IGLON5: variants seen among roughly 807,000 people sequenced by gnomAD.
IGLON5 encodes the protein Ig-like domain-containing protein ENSP00000270642.
Under a neutral mutation model 38.2 loss-of-function variants are expected in IGLON5, and 16 were observed. The observed-to-expected ratio is 0.42, with a 90% CI of 0.28 to 0.64. The LOEUF is 0.64. IGLON5 is among the 30% of genes least tolerant of loss of function. The pLI is 0.23. For missense variants in IGLON5, 366 were observed against 483.4 expected (o/e 0.76, Z 2.28); for synonymous variants, 207 against 216.4 (o/e 0.96, Z 0.38).
At chr19:51,313,045 A>G (rs1984807549) in intron 1 of IGLON5, among the ~76,000 whole-genome samples, 1 of 151,872 alleles carries the variant, frequency 6.6e-6, no homozygotes, top group East Asian at 1.9e-4. Context: ...AGAGTCCCCA[A>G]GAGTCTCAGA....
chr19:51,326,963 C>T, intron 5 of IGLON5, 65 bp downstream of exon 5: 2 of 1,573,640 alleles, frequency 1.3e-6, no homozygotes, highest in Middle Eastern at 3.4e-4. Flanking sequence ...GAGGAGGGAT[C>T]TGGGGGAAGA....
intron 1 of IGLON5, among the ~76,000 whole-genome samples, chr19:51,313,636 TC>T: frequency 8.2e-6 from 1 of 122,436 alleles, no homozygotes; most frequent in East Asian, 2.0e-4. Flanking sequence ...TCTTTTTCTC[TC>T]TCTCTCTCTT....
intron 1 of IGLON5, among the ~76,000 whole-genome samples, chr19:51,312,428 G>T (rs1984790678): frequency 6.6e-6 from 1 of 152,122 alleles, no homozygotes; most frequent in Non-Finnish European, 1.5e-5. Flanking sequence ...GGGGATGGAT[G>T]CCTTCCCAGG....
chr19:51,328,505 G>GAAAAAAA (rs61422289), intron 7 of IGLON5, among the ~76,000 whole-genome samples, 166 bp from the exon 8 acceptor site: 1 of 111,148 alleles, frequency 9.0e-6, no homozygotes, highest in Non-Finnish European at 2.0e-5. Flanking sequence ...CTCAAAAAAA[G>GAAAAAAA]AAAAAAAAAA....
At position 51,324,142 on chromosome 19, in the gene IGLON5, T is replaced by G. The variant is rs1985157094; in HGVS notation, c.391+248T>G. Among the ~76,000 whole-genome samples, 1 of 152,002 alleles carries G rather than the reference T, an allele frequency of 6.6e-6. No homozygotes were observed. The highest frequency in any genetic ancestry group is 2.4e-5 in the African/African-American group (1 of 41,358). ...GGGGGTGCTTGGGGGAAGACCACGTTCATTTGTTCAGCCCCATTCCTGGAG... is the reference window on the plus strand; with the variant it reads ...GGGGGTGCTTGGGGGAAGACCACGTGCATTTGTTCAGCCCCATTCCTGGAG... On this transcript the variant is annotated intron_variant, in intron 3 of 7. Transcript: ENST00000270642. The surrounding 1 kb of genome is among the most constrained non-coding windows in gnomAD (Gnocchi z 4.2).
intron 1 of IGLON5, among the ~76,000 whole-genome samples, chr19:51,319,003 G>T (rs1020029617): frequency 2.0e-4 from 31 of 152,206 alleles, no homozygotes; most frequent in Non-Finnish European, 3.5e-4. Flanking sequence ...GTGGAGAAGG[G>T]CATCAAATGG....
intron 2 of IGLON5, 61 bp from the exon 3 acceptor site, chr19:51,323,601 G>T: frequency 7.0e-7 from 1 of 1,434,976 alleles, no homozygotes; most frequent in Non-Finnish European, 9.5e-7. Flanking sequence ...CCACCCCCTC[G>T]GTGGGGGAAG....
At chr19:51,311,977 G>A (rs1984776521) in intron 1 of IGLON5, 51 bp downstream of exon 1, 1 of 1,072,084 alleles carries the variant, frequency 9.3e-7, no homozygotes, top group East Asian at 3.4e-5. Context: ...AGGGTCTTGG[G>A]TGGGTAATCG....
chr19:51,314,311 G>A (rs1984860261), intron 1 of IGLON5, among the ~76,000 whole-genome samples: 1 of 151,858 alleles, frequency 6.6e-6, no homozygotes. Flanking sequence ...AGCCTCGCAA[G>A]TAGCTGGGAC....
At position 51,325,729 on chromosome 19, in the gene IGLON5, A is replaced by G. The variant is rs946954089; in HGVS notation, c.511+264A>G. On this transcript the variant is annotated intron_variant, in intron 4 of 7. Transcript: ENST00000270642. This position sits in a 1 kb window ranked among gnomAD's most constrained non-coding sequence, Gnocchi z 5.5. Reference sequence around the variant, plus strand: ...AACCCCAGCCTGCGTCACTTCCCCAACCCCAGTGTCCCCGATGTCTCCCCA... The same window carrying G: ...AACCCCAGCCTGCGTCACTTCCCCAGCCCCAGTGTCCCCGATGTCTCCCCA... Among the ~76,000 whole-genome samples the G allele has an allele frequency of 1.3e-5, 2 of 151,134 alleles. No individual in the cohort carries two copies. Among genetic ancestry groups the G allele is most frequent in the Admixed American group, 6.6e-5 (1 of 15,164 alleles).
At chr19:51,321,451 T>A (rs1985054249) in intron 1 of IGLON5, among the ~76,000 whole-genome samples, 1 of 152,176 alleles carries the variant, frequency 6.6e-6, no homozygotes, top group Non-Finnish European at 1.5e-5. Context: ...AATGCTGAGA[T>A]TACAGGTGTG....
At chr19:51,323,110 C>G (rs989187037) in intron 2 of IGLON5, among the ~76,000 whole-genome samples, 8 of 149,816 alleles carry the variant, frequency 5.3e-5, no homozygotes, top group African/African-American at 2.0e-4. Context: ...TCCCCTCTCT[C>G]TGGGTCTCTG....
At chr19:51,318,259 G>A (rs940492428) in intron 1 of IGLON5, among the ~76,000 whole-genome samples, 1 of 152,196 alleles carries the variant, frequency 6.6e-6, no homozygotes, top group African/African-American at 2.4e-5. Flanking sequence ...CAAGGCCTCT[G>A]GTGGGCCAGG....
At chr19:51,312,732 A>AG (rs59121844) in intron 1 of IGLON5, among the ~76,000 whole-genome samples, 152,118 of 152,118 alleles carry the variant, frequency 1, 76,059 homozygotes, top group Non-Finnish European at 1. Context: ...GGGTTAAAGC[A>AG]GGTTGAAGGG....
At chr19:51,317,967 G>A (rs565176792) in intron 1 of IGLON5, among the ~76,000 whole-genome samples, 3 of 152,134 alleles carry the variant, frequency 2.0e-5, no homozygotes, top group Non-Finnish European at 4.4e-5. Flanking sequence ...TGGTCTCTGA[G>A]GACCATCCAT....
intron 1 of IGLON5, among the ~76,000 whole-genome samples, chr19:51,312,849 A>G (rs1800929946): frequency 6.6e-6 from 1 of 152,136 alleles, no homozygotes; most frequent in Admixed American, 6.5e-5. Flanking sequence ...AGGGCCTGGC[A>G]GGCAGGGGGT....
At chr19:51,316,358 AAG>A (rs908335455) in intron 1 of IGLON5, among the ~76,000 whole-genome samples, 4 of 150,754 alleles carry the variant, frequency 2.7e-5, no homozygotes, top group African/African-American at 7.3e-5. Flanking sequence ...AAAAAAAAAA[AAG>A]AAAAGAAACA....
chr19:51,317,269 G>A (rs10408683), intron 1 of IGLON5, among the ~76,000 whole-genome samples: 3,001 of 152,226 alleles, frequency 0.02, 90 homozygotes, highest in African/African-American at 0.068. Context: ...GCCACAGGCC[G>A]GTGCCTGCCA....
rs1294438698 is a variant in IGLON5, at chr19:51,324,755, A to G, written c.392-591A>G. Among the ~76,000 whole-genome samples the G allele has an allele frequency of 6.6e-6, 1 of 151,150 alleles. No homozygotes were observed. The highest frequency in any genetic ancestry group is 1.5e-5 in the Non-Finnish European group (1 of 67,920). ...ACTGCCAGCGATACCCTGGCATCCTATCTCGAGGGCCATCCTGCTTGGAGA... is the reference window on the plus strand; with the variant it reads ...ACTGCCAGCGATACCCTGGCATCCTGTCTCGAGGGCCATCCTGCTTGGAGA... On this transcript the variant is annotated intron_variant, in intron 3 of 7. Transcript: ENST00000270642. This position sits in a 1 kb window ranked among gnomAD's most constrained non-coding sequence, Gnocchi z 4.2.
Sources: gnomAD v4.1 joint callset for allele counts (sites outside exome capture counted in the v4.1 genomes callset) on GRCh38, gnomAD v4.1.1 for gene constraint, Gnocchi (gnomAD v3.1) non-coding constraint, MANE v1.5 for transcripts, NCBI Gene and HGNC (gene_info 2026-07-23, HGNC 2026-07-21) for gene names.